Variants in TEKT5 observed in about 807,000 individuals in gnomAD.
TEKT5 encodes the protein tektin-5.
A neutral mutation model predicts 48.7 loss-of-function variants in TEKT5; 52 were observed. The observed-to-expected ratio is 1.07, with a 90% CI of 0.86 to 1.35. TEKT5 has a LOEUF of 1.35. Among genes scored for constraint, TEKT5 ranks in the 40% most tolerant of loss-of-function variants. TEKT5 has a pLI of 0.00. For synonymous variants in TEKT5, 318 were observed against 267.6 expected (o/e 1.19, Z -1.84); for missense variants, 831 against 641.6 (o/e 1.30, Z -3.19).
At chr16:10,647,483 A>T (rs998912138) in intron 5 of TEKT5, among the ~76,000 whole-genome samples, 1 of 151,314 alleles carries the variant, frequency 6.6e-6, no homozygotes, top group Non-Finnish European at 1.5e-5. Context: ...AAAAAAAAAA[A>T]AAAAAGCAGC....
intron 5 of TEKT5, among the ~76,000 whole-genome samples, chr16:10,662,991 A>G (rs1438112713): frequency 1.3e-5 from 2 of 151,546 alleles, no homozygotes; most frequent in Non-Finnish European, 2.9e-5. Context: ...ATGATCACCC[A>G]CTCTCACCCC....
chr16:10,694,774 C>A lies in TEKT5; in HGVS notation c.100G>T (p.Glu34Ter). The A allele has an allele frequency of 6.2e-7, 1 of 1,614,000 alleles. No homozygotes were observed. Among genetic ancestry groups the A allele is most frequent in the Non-Finnish European group, 8.5e-7 (1 of 1,179,958 alleles). The change falls in exon 1 of 7, where the codon GAA becomes TAA. Residue 34 changes from glutamate (E) to a stop codon, truncating the protein, a stop_gained. Transcript: ENST00000283025. LOFTEE classifies it high-confidence loss of function. ...LPAVQAPVIQ[E>*]CYQPYYLPGY... ...GGCAGGTAGTAGGGCTGATAGCATT[C>A]CTGGATCACTGGCGCCTGTACAGCT...
intron 6 of TEKT5, among the ~76,000 whole-genome samples, chr16:10,631,908 C>A (rs143707240): frequency 2.0e-5 from 3 of 152,298 alleles, no homozygotes; most frequent in African/African-American, 7.2e-5. Flanking sequence ...TTGTCTGTAG[C>A]CACCCAGTTT....
chr16:10,686,630 G>C (rs1220649297), intron 3 of TEKT5, among the ~76,000 whole-genome samples: 1 of 152,158 alleles, frequency 6.6e-6, no homozygotes, highest in Non-Finnish European at 1.5e-5. Context: ...AAAAGCTTCT[G>C]CACAGCAAAC....
At chr16:10,685,337 T>C (rs1358415667) in intron 3 of TEKT5, among the ~76,000 whole-genome samples, 1 of 152,170 alleles carries the variant, frequency 6.6e-6, no homozygotes, top group Non-Finnish European at 1.5e-5. Context: ...TCTTGCTCTG[T>C]GGCCCGGACT....
intron 5 of TEKT5, among the ~76,000 whole-genome samples, chr16:10,658,284 G>A (rs62025795): frequency 0.25 from 38,683 of 152,058 alleles, 6,441 homozygotes; most frequent in Non-Finnish European, 0.37. Flanking sequence ...ATGAGAAAGA[G>A]TCCATATGTC....
chr16:10,690,742 G>A (rs1350349362), intron 1 of TEKT5: 3 of 985,396 alleles, frequency 3.0e-6, no homozygotes, highest in African/African-American at 1.7e-5. Flanking sequence ...GACAGGACAA[G>A]GGGCTTTTCA....
intron 5 of TEKT5, among the ~76,000 whole-genome samples, chr16:10,671,379 G>A (rs1596413269): frequency 1.3e-5 from 2 of 152,178 alleles, no homozygotes; most frequent in Non-Finnish European, 2.9e-5. Flanking sequence ...AAAGATGGAC[G>A]CCACCAAGTC....
At chr16:10,629,046 A>G (rs539996506) in intron 6 of TEKT5, among the ~76,000 whole-genome samples, 17 of 152,284 alleles carry the variant, frequency 1.1e-4, no homozygotes, top group African/African-American at 3.9e-4. Context: ...TGTCCAGAAG[A>G]GGCAAAGCCA....
At chr16:10,656,069 A>T (rs1567229200) in intron 5 of TEKT5, among the ~76,000 whole-genome samples, 1 of 152,098 alleles carries the variant, frequency 6.6e-6, no homozygotes, top group Non-Finnish European at 1.5e-5. Flanking sequence ...TCTTTGATAA[A>T]ATTTGTGGAG....
At chr16:10,693,434 T>G (rs2142320092) in intron 1 of TEKT5, among the ~76,000 whole-genome samples, 1 of 152,350 alleles carries the variant, frequency 6.6e-6, no homozygotes, top group South Asian at 2.1e-4. Flanking sequence ...ATGTATTTAT[T>G]GAATGCCTAC....
At chr16:10,637,848 A>T (rs114585943) in intron 5 of TEKT5, among the ~76,000 whole-genome samples, 7,860 of 152,234 alleles carry the variant, frequency 0.052, 584 homozygotes, top group African/African-American at 0.17. Flanking sequence ...TCTTGCTCTG[A>T]CACTCAGGCT....
chr16:10,665,730 C>T (rs1898445331), intron 5 of TEKT5, among the ~76,000 whole-genome samples: 1 of 152,234 alleles, frequency 6.6e-6, no homozygotes, highest in Admixed American at 6.5e-5. Flanking sequence ...CAGGCACACA[C>T]CACCCACGTA....
intron 3 of TEKT5, among the ~76,000 whole-genome samples, chr16:10,684,733 A>G (rs1057459109): frequency 2.0e-5 from 3 of 152,182 alleles, no homozygotes; most frequent in Non-Finnish European, 4.4e-5. Flanking sequence ...CTAGGGAAAG[A>G]GGAGGCAGTC....
intron 5 of TEKT5, among the ~76,000 whole-genome samples, chr16:10,646,505 T>G (rs1470173530): frequency 6.6e-6 from 1 of 152,180 alleles, no homozygotes; most frequent in Non-Finnish European, 1.5e-5. Context: ...TCATAAGCTG[T>G]AAAACATTCA....
intron 5 of TEKT5, among the ~76,000 whole-genome samples, chr16:10,650,665 T>C (rs62025775): frequency 0.27 from 40,503 of 151,214 alleles, 5,971 homozygotes; most frequent in Middle Eastern, 0.41. Flanking sequence ...AGGCGGATCA[T>C]CTGAGGTCAG....
intron 5 of TEKT5, among the ~76,000 whole-genome samples, chr16:10,657,115 C>A (rs1401935552): frequency 6.9e-6 from 1 of 144,452 alleles, no homozygotes; most frequent in African/African-American, 2.7e-5. Context: ...AAAATTAGGT[C>A]TGCCTTTTTT....
intron 1 of TEKT5, among the ~76,000 whole-genome samples, chr16:10,693,398 T>A (rs1899015946): frequency 6.6e-6 from 1 of 152,188 alleles, no homozygotes; most frequent in African/African-American, 2.4e-5. Flanking sequence ...CCCAGTCACA[T>A]TTAGATATTT....
chr16:10,636,811 C>CATTATTATTATTATTATTATTATT (rs143109867), intron 5 of TEKT5, among the ~76,000 whole-genome samples: 2,981 of 147,128 alleles, frequency 0.02, 120 homozygotes, highest in African/African-American at 0.071. Flanking sequence ...ATGTATTTTC[C>CATTATTATTATTATTATTATTATT]ATTATTATTA....
Sources: allele counts gnomAD v4.1 joint callset (sites outside exome capture counted in the v4.1 genomes callset), GRCh38; gene constraint gnomAD v4.1.1; transcripts MANE v1.5; gene names NCBI Gene and HGNC (gene_info 2026-07-23, HGNC 2026-07-21).